ASCC1: variants seen among roughly 807,000 people sequenced by gnomAD.
ASCC1 encodes ASC-1 complex subunit P50.
ASCC1 carries 35 observed loss-of-function variants against 46.6 expected under a neutral mutation model. The ratio of observed to expected loss-of-function variants is 0.75; its 90% confidence interval spans 0.57 to 0.99. The LOEUF (loss-of-function observed/expected upper bound fraction) is 0.99, where lower values mean the gene tolerates loss of function less well. ASCC1 is among the 50% of genes least tolerant of loss of function. ASCC1 has a pLI of 0.00. For missense variants in ASCC1, 376 were observed against 428.7 expected (o/e 0.88, Z 1.09); for synonymous variants, 143 against 146.6 (o/e 0.98, Z 0.18).
chr10:72,100,289 C>A (rs1054782858), intron 9 of ASCC1, among the ~76,000 whole-genome samples: 1 of 151,344 alleles, frequency 6.6e-6, no homozygotes, highest in Non-Finnish European at 1.5e-5. Context: ...AGTGCAGTGG[C>A]GCGATCTCAG....
chr10:72,137,533 A>G (rs1846396216), intron 7 of ASCC1, among the ~76,000 whole-genome samples: 1 of 150,776 alleles, frequency 6.6e-6, no homozygotes, highest in Admixed American at 6.6e-5. Context: ...ATCTCAAAAA[A>G]AAAAAAAAAA....
chr10:72,207,397 G>C (rs560439802), intron 3 of ASCC1, among the ~76,000 whole-genome samples: 27 of 152,322 alleles, frequency 1.8e-4, no homozygotes, highest in African/African-American at 6.3e-4. Flanking sequence ...CCGAGTAACA[G>C]AGTGAGAATC....
At chr10:72,212,400 T>C (rs1050406045) in intron 2 of ASCC1, 2 of 153,002 alleles carry the variant, frequency 1.3e-5, no homozygotes, top group African/African-American at 2.4e-5. Context: ...AGGTATTATA[T>C]GTATCATAAG....
At chr10:72,133,857 C>G (rs994348440) in intron 7 of ASCC1, 1 of 154,308 alleles carries the variant, frequency 6.5e-6, no homozygotes, top group African/African-American at 2.4e-5. Context: ...AGGCACAGTT[C>G]TAAGCACTTT....
intron 9 of ASCC1, among the ~76,000 whole-genome samples, chr10:72,126,572 T>C (rs769991537): frequency 2.0e-4 from 30 of 152,242 alleles, no homozygotes; most frequent in Non-Finnish European, 3.2e-4. Flanking sequence ...ACCTCACACC[T>C]GACTTGTACC....
At chr10:72,169,439 CA>C (rs747376205) in intron 5 of ASCC1, among the ~76,000 whole-genome samples, 12 of 148,004 alleles carry the variant, frequency 8.1e-5, no homozygotes, top group Non-Finnish European at 1.2e-4. Context: ...GATCCTGTCT[CA>C]AAAAAAAAGA....
chr10:72,169,272 C>A (rs561778649), intron 5 of ASCC1, among the ~76,000 whole-genome samples: 1 of 152,166 alleles, frequency 6.6e-6, no homozygotes, highest in East Asian at 1.9e-4. Context: ...CCCGTCTACA[C>A]AAGAAATACA....
chr10:72,190,987 C>T (rs1348647860), intron 5 of ASCC1, among the ~76,000 whole-genome samples: 1 of 99,560 alleles, frequency 1.0e-5, no homozygotes, highest in Admixed American at 9.7e-5. Context: ...CAGAGCGAGA[C>T]GCCGTCTCAA....
chr10:72,119,824 T>C (rs1035343748), intron 9 of ASCC1, among the ~76,000 whole-genome samples: 3 of 151,774 alleles, frequency 2.0e-5, no homozygotes, highest in African/African-American at 4.8e-5. Flanking sequence ...GGAACAACTA[T>C]GATTAATATG....
chr10:72,128,703 G>C (rs1208212992), intron 8 of ASCC1, among the ~76,000 whole-genome samples: 1 of 152,180 alleles, frequency 6.6e-6, no homozygotes, highest in African/African-American at 2.4e-5. Flanking sequence ...TTCTACACAG[G>C]AATGCAGCAA....
chr10:72,097,871 G>T (rs918134671), intron 9 of ASCC1, among the ~76,000 whole-genome samples: 2 of 152,164 alleles, frequency 1.3e-5, no homozygotes, highest in East Asian at 3.8e-4. Context: ...TAAATTTGAC[G>T]TAACATATAT....
chr10:72,127,801 A>G (rs2132228659), intron 9 of ASCC1, among the ~76,000 whole-genome samples: 1 of 151,888 alleles, frequency 6.6e-6, no homozygotes, highest in East Asian at 1.9e-4. Flanking sequence ...GGCTCCAGTG[A>G]GCAGTGTTTG....
In ASCC1 at chr10:72,134,699, C is replaced by T. The variant is rs1414394737; in HGVS notation, c.747-1518G>A. Among the ~76,000 whole-genome samples, 14 of 152,328 alleles carry T rather than the reference C, an allele frequency of 9.2e-5. No homozygotes were observed. In the East Asian group the frequency reaches 2.5e-3, roughly 27 times the overall value. ...CTTTGACTCCCTTATACCAGGGCAT[C>T]TCACTTCTCACCACTTCCAGTGCCA... On this transcript the variant is annotated intron_variant, in intron 7 of 9. Transcript: ENST00000672957.
intron 3 of ASCC1, among the ~76,000 whole-genome samples, chr10:72,203,886 G>A (rs956889832): frequency 5.9e-5 from 9 of 152,178 alleles, no homozygotes; most frequent in African/African-American, 1.9e-4. Flanking sequence ...AAAAGACTGA[G>A]GTGGGAGAAC....
chr10:72,194,198 T>C (rs1189120708), intron 5 of ASCC1, among the ~76,000 whole-genome samples: 2 of 151,972 alleles, frequency 1.3e-5, no homozygotes, highest in African/African-American at 2.4e-5. Flanking sequence ...GTTCTTAATA[T>C]ATATGATGCT....
At chr10:72,204,649 T>C (rs1856947668) in intron 3 of ASCC1, 3 of 1,130,920 alleles carry the variant, frequency 2.7e-6, no homozygotes, top group Non-Finnish European at 3.6e-6. Context: ...CGGATGACTA[T>C]GTCTAAAACT....
chr10:72,152,393 C>T (rs1276121725), intron 7 of ASCC1, among the ~76,000 whole-genome samples: 1 of 151,962 alleles, frequency 6.6e-6, no homozygotes, highest in East Asian at 1.9e-4. Context: ...TCCTGGTATC[C>T]ACTACAACTG....
intron 9 of ASCC1, among the ~76,000 whole-genome samples, chr10:72,103,939 C>T (rs1259874231): frequency 6.6e-6 from 1 of 152,146 alleles, no homozygotes; most frequent in Non-Finnish European, 1.5e-5. Context: ...ACACAAGTTA[C>T]CACTTCCTTT....
chr10:72,187,807 A>C (rs1853723061), intron 5 of ASCC1, among the ~76,000 whole-genome samples: 1 of 149,280 alleles, frequency 6.7e-6, no homozygotes, highest in Admixed American at 6.7e-5. Flanking sequence ...CTGACTTTTT[A>C]CAGTTAGAGG....
Sources: allele counts gnomAD v4.1 joint callset (sites outside exome capture counted in the v4.1 genomes callset), GRCh38; gene constraint gnomAD v4.1.1; transcripts MANE v1.5; gene names NCBI Gene and HGNC (gene_info 2026-07-23, HGNC 2026-07-21).